BBX: variants seen among roughly 807,000 people sequenced by gnomAD.
The protein encoded by BBX is BBX high mobility group box domain containing, also known as HMG box transcription factor BBX.
In BBX, 30 loss-of-function variants were observed where a neutral mutation model predicts 100.2. The ratio of observed to expected loss-of-function variants is 0.30; its 90% CI spans 0.22 to 0.41. The LOEUF (loss-of-function observed/expected upper bound fraction) is 0.41, where lower values mean the gene tolerates loss of function less well. BBX is among the 10% of genes least tolerant of loss of function. The pLI, the probability that BBX is intolerant of heterozygous loss-of-function variation, is 1.00. For synonymous variants in BBX, 376 were observed against 388.1 expected (o/e 0.97, Z 0.37); for missense variants, 1,023 against 1,129.8 (o/e 0.91, Z 1.35).
At chr3:107,617,056 G>A (rs748536637) in intron 2 of BBX, among the ~76,000 whole-genome samples, 1 of 152,106 alleles carries the variant, frequency 6.6e-6, no homozygotes, top group Non-Finnish European at 1.5e-5. Flanking sequence ...CCCATTTCAA[G>A]TTAATTTTTG....
chr3:107,573,617 A>G (rs1249695748), intron 2 of BBX, among the ~76,000 whole-genome samples: 1 of 152,252 alleles, frequency 6.6e-6, no homozygotes, highest in East Asian at 1.9e-4. Context: ...GGGCTTTAAA[A>G]ATGAAACTAA....
chr3:107,635,979 A>C (rs1018556893), intron 2 of BBX, among the ~76,000 whole-genome samples: 2 of 152,052 alleles, frequency 1.3e-5, no homozygotes, highest in Admixed American at 6.6e-5. Context: ...CAAAGTGTTG[A>C]GACTACAGGC....
chr3:107,586,236 G>T (rs911543138), intron 2 of BBX, among the ~76,000 whole-genome samples: 1 of 152,254 alleles, frequency 6.6e-6, no homozygotes, highest in Non-Finnish European at 1.5e-5. Context: ...GAGAACTGTG[G>T]CTGAGTGCAG....
chr3:107,639,245 C>T (rs1212384310), intron 2 of BBX, among the ~76,000 whole-genome samples: 1 of 151,930 alleles, frequency 6.6e-6, no homozygotes, highest in East Asian at 1.9e-4. Context: ...TGAAAGGAGC[C>T]CAGGGAACAC....
chr3:107,529,805 A>G (rs1027802554), intron 2 of BBX, among the ~76,000 whole-genome samples: 3 of 152,084 alleles, frequency 2.0e-5, no homozygotes, highest in Admixed American at 6.6e-5. Context: ...ATCCTCATGT[A>G]TTAATGGGGA....
chr3:107,794,497 A>T (rs2069398576), intron 15 of BBX, among the ~76,000 whole-genome samples: 1 of 152,086 alleles, frequency 6.6e-6, no homozygotes, highest in African/African-American at 2.4e-5. Flanking sequence ...ACTTCTTTGC[A>T]GTGTATAAAT....
intron 10 of BBX, among the ~76,000 whole-genome samples, chr3:107,763,975 G>A (rs1451918577): frequency 1.3e-5 from 2 of 152,132 alleles, no homozygotes; most frequent in South Asian, 2.1e-4. Flanking sequence ...GTCATAATTA[G>A]CATTGTTTTT....
chr3:107,650,881 A>G (rs912894583), intron 3 of BBX, among the ~76,000 whole-genome samples: 6 of 152,212 alleles, frequency 3.9e-5, no homozygotes, highest in African/African-American at 9.7e-5. Context: ...GAAGTCAGTG[A>G]TTAAGATGCC....
At chr3:107,692,592 T>G (rs971495619) in intron 3 of BBX, among the ~76,000 whole-genome samples, 62 of 152,272 alleles carry the variant, frequency 4.1e-4, no homozygotes, top group African/African-American at 8.2e-4. Context: ...TAATCCAGTC[T>G]ATCATTGTTG....
intron 3 of BBX, among the ~76,000 whole-genome samples, chr3:107,697,845 G>A (rs578165795): frequency 1.3e-5 from 2 of 151,896 alleles, no homozygotes; most frequent in Non-Finnish European, 2.9e-5. Flanking sequence ...TAGCAATCAG[G>A]GAGACTCCGT....
intron 3 of BBX, among the ~76,000 whole-genome samples, chr3:107,647,804 T>C (rs910496953): frequency 6.6e-6 from 1 of 152,168 alleles, no homozygotes; most frequent in African/African-American, 2.4e-5. Context: ...CTGATTAGTC[T>C]CCTGCCACTC....
chr3:107,640,709 C>T (rs947201147), intron 2 of BBX, among the ~76,000 whole-genome samples: 1 of 152,188 alleles, frequency 6.6e-6, no homozygotes, highest in Admixed American at 6.5e-5. Context: ...GTTGCCCAGG[C>T]TGGTGTGCAG....
chr3:107,678,632 G>A (rs898245668), intron 3 of BBX, among the ~76,000 whole-genome samples: 2 of 152,092 alleles, frequency 1.3e-5, no homozygotes, highest in African/African-American at 4.8e-5. Flanking sequence ...ACTGAGGTGG[G>A]AAGATCACTT....
chr3:107,667,541 A>G (rs536515809), intron 3 of BBX, among the ~76,000 whole-genome samples: 1 of 151,956 alleles, frequency 6.6e-6, no homozygotes. Context: ...ATTTATAAAT[A>G]TATAAATATG....
chr3:107,568,228 A>G (rs2051066517), intron 2 of BBX, among the ~76,000 whole-genome samples: 1 of 149,116 alleles, frequency 6.7e-6, no homozygotes, highest in Non-Finnish European at 1.5e-5. Context: ...TGTTGGAGTC[A>G]TGTTCTTCAG....
chr3:107,670,510 G>T, intron 3 of BBX, among the ~76,000 whole-genome samples: 1 of 151,980 alleles, frequency 6.6e-6, no homozygotes, highest in Non-Finnish European at 1.5e-5. Context: ...TACATCGTAT[G>T]TATTGAAATA....
intron 10 of BBX, among the ~76,000 whole-genome samples, chr3:107,769,194 A>C (rs981762102): frequency 8.1e-6 from 1 of 123,718 alleles, no homozygotes; most frequent in Non-Finnish European, 1.8e-5. Context: ...AGATAGATAG[A>C]TAGATAGATA....
At chr3:107,588,336 AG>A (rs200996587) in intron 2 of BBX, among the ~76,000 whole-genome samples, 1,585 of 146,128 alleles carry the variant, frequency 0.011, 43 homozygotes, top group African/African-American at 0.037. Flanking sequence ...TCACAAAGTA[AG>A]GGGGGGCCTG....
intron 3 of BBX, among the ~76,000 whole-genome samples, chr3:107,695,053 A>AT (rs1559984987): frequency 6.8e-6 from 1 of 146,992 alleles, no homozygotes; most frequent in South Asian, 2.2e-4. Flanking sequence ...CCCCTTTATC[A>AT]TTTTTTATTG....
Sources: gnomAD v4.1 joint callset for allele counts (sites outside exome capture counted in the v4.1 genomes callset) on GRCh38, gnomAD v4.1.1 for gene constraint, MANE v1.5 for transcripts, NCBI Gene and HGNC (gene_info 2026-07-23, HGNC 2026-07-21) for gene names.